SUGCT: variants seen among roughly 807,000 people sequenced by gnomAD.
SUGCT encodes succinyl-CoA:glutarate-CoA transferase, also known as succinyl-CoA:glutarate CoA-transferase.
A neutral mutation model predicts 55.0 loss-of-function variants in SUGCT; 41 were observed. The observed-to-expected ratio is 0.74, with a 90% CI of 0.58 to 0.97. The LOEUF (loss-of-function observed/expected upper bound fraction) is 0.97. SUGCT is among the 50% of genes least tolerant of loss of function. The pLI is 0.00. For synonymous variants in SUGCT, 187 were observed against 200.4 expected (o/e 0.93, Z 0.56); for missense variants, 568 against 547.8 (o/e 1.04, Z -0.37).
At chr7:40,249,321 A>ATCTATATATATATC (rs1326008353) in intron 7 of SUGCT, among the ~76,000 whole-genome samples, 3 of 109,466 alleles carry the variant, frequency 2.7e-5, no homozygotes, top group Non-Finnish European at 5.5e-5. Context: ...AGCTATATAT[A>ATCTATATATATATC]TATATATATA....
At chr7:40,275,902 A>G (rs767755274) in intron 8 of SUGCT, among the ~76,000 whole-genome samples, 9 of 152,204 alleles carry the variant, frequency 5.9e-5, no homozygotes, top group Admixed American at 3.9e-4. Context: ...TTCTGAATAG[A>G]TAATTTTTCC....
At chr7:40,330,351 A>G (rs1360085776) in intron 9 of SUGCT, among the ~76,000 whole-genome samples, 4 of 152,198 alleles carry the variant, frequency 2.6e-5, no homozygotes, top group African/African-American at 9.6e-5. Context: ...AGGTAAAGTA[A>G]TATCCTGAGG....
At chr7:40,352,241 G>A (rs963047480) in intron 9 of SUGCT, among the ~76,000 whole-genome samples, 1 of 152,102 alleles carries the variant, frequency 6.6e-6, no homozygotes, top group Non-Finnish European at 1.5e-5. Context: ...GCATGCATTT[G>A]TGTGTTTGTG....
intron 5 of SUGCT, among the ~76,000 whole-genome samples, chr7:40,192,040 G>A (rs548354344): frequency 4.0e-5 from 6 of 150,848 alleles, no homozygotes; most frequent in Non-Finnish European, 8.9e-5. Flanking sequence ...CCCGACAGGC[G>A]GAGGTTGCAG....
chr7:40,859,791 C>T (rs1794394276), intron 13 of SUGCT, among the ~76,000 whole-genome samples: 1 of 152,208 alleles, frequency 6.6e-6, no homozygotes, highest in African/African-American at 2.4e-5. Flanking sequence ...AGCCTGCACA[C>T]ATAACTTCTT....
intron 13 of SUGCT, among the ~76,000 whole-genome samples, chr7:40,788,205 C>T (rs1790128002): frequency 6.6e-6 from 1 of 152,150 alleles, no homozygotes; most frequent in Admixed American, 6.6e-5. Flanking sequence ...GGGCTTCCAC[C>T]TGCAGCTTGC....
intron 12 of SUGCT, among the ~76,000 whole-genome samples, chr7:40,565,140 A>C (rs1466099056): frequency 1.3e-5 from 2 of 152,238 alleles, no homozygotes; most frequent in Admixed American, 6.5e-5. Context: ...GGCAGAATTC[A>C]GCATTATTTT....
intron 12 of SUGCT, among the ~76,000 whole-genome samples, chr7:40,707,849 G>A (rs900508017): frequency 1.3e-5 from 2 of 152,130 alleles, no homozygotes; most frequent in East Asian, 1.9e-4. Flanking sequence ...GACTTCTTTT[G>A]TTAAAACTTG....
Position 40,691,393 on chromosome 7 carries a change from T to C in SUGCT, c.1090-58041T>C, listed in dbSNP as rs549621253. On this transcript the variant is annotated intron_variant, in intron 12 of 13. Coordinates refer to ENST00000335693, the MANE Select transcript of SUGCT (RefSeq NM_001193313.2). ...GGATCATACCCAGAAGCCATATTTC[T>C]TACTGATCATGAGCTATCATAGCTA... Among the ~76,000 whole-genome samples, 15 of 152,286 alleles carry C rather than the reference T, an allele frequency of 9.8e-5. No homozygotes were observed. The East Asian group carries it at 1.9e-3, about 20-fold the overall frequency.
intron 11 of SUGCT, among the ~76,000 whole-genome samples, chr7:40,495,669 A>C (rs1390354102): frequency 6.6e-6 from 1 of 152,176 alleles, no homozygotes; most frequent in Non-Finnish European, 1.5e-5. Flanking sequence ...TCTGTCTATG[A>C]AGTCCAATTT....
chr7:40,744,954 A>G (rs1787656179), intron 12 of SUGCT, among the ~76,000 whole-genome samples: 1 of 152,212 alleles, frequency 6.6e-6, no homozygotes, highest in South Asian at 2.1e-4. Flanking sequence ...TATGGAGCTT[A>G]AACTGTGTTA....
chr7:40,663,236 A>G (rs554250476), intron 12 of SUGCT, among the ~76,000 whole-genome samples: 43 of 151,970 alleles, frequency 2.8e-4, no homozygotes, highest in Non-Finnish European at 3.7e-4. Context: ...ATTAAGGGTA[A>G]TTCTTTTTAA....
Position 40,567,789 on chromosome 7 carries a change from G to A in SUGCT, c.1089+71403G>A, listed in dbSNP as rs561873605. Among the ~76,000 whole-genome samples the A allele has an allele frequency of 1.8e-4, 27 of 152,266 alleles. 1 individual carries two copies. In the South Asian group the frequency reaches 4.4e-3, roughly 25 times the overall value. On this transcript the variant is annotated intron_variant, in intron 12 of 13. Coordinates refer to ENST00000335693, the MANE Select transcript of SUGCT (RefSeq NM_001193313.2). ...GCAAGTAGGCTTCTCTAAGTAAACC[G>A]TGTCTTCAGACTAGGTAACTCCTGG...
chr7:40,628,727 CTG>C (rs111460243), intron 12 of SUGCT, among the ~76,000 whole-genome samples: 17,905 of 147,042 alleles, frequency 0.12, 1,172 homozygotes, highest in African/African-American at 0.19. Context: ...GTGTTTTGTT[CTG>C]TGTGTGTGTG....
the SUGCT span, among the ~76,000 whole-genome samples, chr7:40,911,244 C>A: frequency 6.6e-6 from 1 of 152,054 alleles, no homozygotes; most frequent in Non-Finnish European, 1.5e-5. Context: ...AGAAACAGTA[C>A]AAGCCACCAA....
chr7:40,607,754 A>G (rs529842985), intron 12 of SUGCT, among the ~76,000 whole-genome samples: 38 of 152,202 alleles, frequency 2.5e-4, no homozygotes, highest in Non-Finnish European at 5.3e-4. Flanking sequence ...TGCATACACC[A>G]TCTCATTTAA....
At chr7:40,744,965 T>C (rs1277923402) in intron 12 of SUGCT, among the ~76,000 whole-genome samples, 1 of 152,242 alleles carries the variant, frequency 6.6e-6, no homozygotes, top group Non-Finnish European at 1.5e-5. Flanking sequence ...AACTGTGTTA[T>C]AACAATTTAT....
intron 8 of SUGCT, among the ~76,000 whole-genome samples, chr7:40,303,565 C>A (rs1377410027): frequency 1.3e-5 from 2 of 151,878 alleles, no homozygotes; most frequent in African/African-American, 2.4e-5. Context: ...CTCACTGCAA[C>A]CTTTGCCTCC....
At chr7:40,479,596 G>C (rs780437421) in intron 11 of SUGCT, among the ~76,000 whole-genome samples, 3 of 152,090 alleles carry the variant, frequency 2.0e-5, no homozygotes, top group Non-Finnish European at 4.4e-5. Flanking sequence ...TAATGTTTGA[G>C]AGCTTCCCTG....
Sources: allele counts gnomAD v4.1 joint callset (sites outside exome capture counted in the v4.1 genomes callset), GRCh38; gene constraint gnomAD v4.1.1; transcripts MANE v1.5; gene names NCBI Gene and HGNC (gene_info 2026-07-23, HGNC 2026-07-21).